Variants in RACGAP1 observed in about 807,000 individuals in gnomAD.
The protein encoded by RACGAP1 is Rac GTPase activating protein 1.
In RACGAP1, 30 loss-of-function variants were observed where a neutral mutation model predicts 78.1. The observed-to-expected ratio is 0.38, with a 90% CI of 0.29 to 0.52. The LOEUF (loss-of-function observed/expected upper bound fraction) is 0.52, where lower values mean the gene tolerates loss of function less well. Ranked by LOEUF, RACGAP1 falls within the 20% of genes least tolerant of loss-of-function variation. The pLI, the probability that RACGAP1 is intolerant of heterozygous loss-of-function variation, is 0.82. For missense variants in RACGAP1, 587 were observed against 777.1 expected, an observed-to-expected ratio of 0.76 and a Z score of 2.91; for synonymous variants, 231 against 264.8, an observed-to-expected ratio of 0.87 and a Z score of 1.24.
chr12:50,027,742 C>T (rs139077276), upstream of RACGAP1, among the ~76,000 whole-genome samples: 5,892 of 152,254 alleles, frequency 0.039, 189 homozygotes, highest in Non-Finnish European at 0.057. Flanking sequence ...AAGAGAATCG[C>T]TTGAACCCGG....
chr12:49,994,254 C>T lies in RACGAP1; in HGVS notation c.1216G>A (p.Val406Ile). 1 of 1,614,130 alleles carries T rather than the reference C, an allele frequency of 6.2e-7. No individual in the cohort carries two copies. The highest frequency in any genetic ancestry group is 8.5e-7 in the Non-Finnish European group (1 of 1,180,024). The change falls in exon 12 of 17, where the codon GTA (valine) becomes ATA (isoleucine). Residue 406 changes from valine (V) to isoleucine (I), a missense_variant. Physicochemically the swap from Val to Ile is conservative, Grantham distance 29. Coordinates refer to ENST00000312377, the MANE Select transcript of RACGAP1 (RefSeq NM_001319999.2). ...TCATCCACTTTGCTGAGGAGGGGTACAGTTTTCACTCTGAGGAATTTCTCT... is the reference window on the plus strand; with the variant it reads ...TCATCCACTTTGCTGAGGAGGGGTATAGTTTTCACTCTGAGGAATTTCTCT... ...LKEKFLRVKT[V>I]PLLSKVDDIH... is the part of the protein sequence containing the mutation.
chr12:50,016,139 T>C (rs1046577631), intron 2 of RACGAP1, among the ~76,000 whole-genome samples: 1 of 152,156 alleles, frequency 6.6e-6, no homozygotes, highest in Non-Finnish European at 1.5e-5. Flanking sequence ...CCCAGCACTT[T>C]GGGAGGCCGA....
chr12:50,001,798 G>A (rs1277200508), intron 6 of RACGAP1, among the ~76,000 whole-genome samples: 1 of 152,186 alleles, frequency 6.6e-6, no homozygotes, highest in African/African-American at 2.4e-5. Flanking sequence ...GGGAGCAGTG[G>A]CTCACGCCTG....
At chr12:49,994,836 G>A (rs1173076521) in intron 10 of RACGAP1, among the ~76,000 whole-genome samples, 1 of 152,060 alleles carries the variant, frequency 6.6e-6, no homozygotes, top group African/African-American at 2.4e-5. Flanking sequence ...CAATAATGAG[G>A]TTACAGGTAT....
At position 50,005,323 on chromosome 12, in the gene RACGAP1, C is replaced by T; in HGVS notation, c.358G>A (p.Glu120Lys). Reference sequence around the variant, plus strand: ...AGAAAAGCCAGAGCTGATTTTTGCTCCTCGCTTAGTTGAATGCTGCCAGAT... The same window carrying T: ...AGAAAAGCCAGAGCTGATTTTTGCTTCTCGCTTAGTTGAATGCTGCCAGAT... ...DTSGSIQLSE[E>K]QKSALAFLNR... Residue 120 changes from glutamate (E) to lysine (K), a missense_variant, in exon 4 of 17, where the codon GAG (glutamate) becomes AAG (lysine). By Grantham distance (56) the Glu-to-Lys change is moderately conservative. Coordinates refer to ENST00000312377, the MANE Select transcript of RACGAP1 (RefSeq NM_001319999.2). 2 of 1,614,194 alleles carry T rather than the reference C, an allele frequency of 1.2e-6. No homozygotes were observed. The highest frequency in any genetic ancestry group is 1.1e-5 in the South Asian group (1 of 91,088).
upstream of RACGAP1, among the ~76,000 whole-genome samples, chr12:50,029,401 A>G (rs1223919757): frequency 2.0e-5 from 3 of 150,692 alleles, no homozygotes; most frequent in Admixed American, 2.0e-4. Context: ...AAACAAACAA[A>G]CAAACAAACA....
chr12:50,008,049 GT>G (rs1375866406), intron 2 of RACGAP1, among the ~76,000 whole-genome samples: 1 of 149,740 alleles, frequency 6.7e-6, no homozygotes. Context: ...TGGTTTGTTT[GT>G]TCTTTAGGAT....
At chr12:50,004,645 T>A (rs1948867822) in intron 4 of RACGAP1, among the ~76,000 whole-genome samples, 1 of 152,246 alleles carries the variant, frequency 6.6e-6, no homozygotes, top group Non-Finnish European at 1.5e-5. Flanking sequence ...AAGTTTAATT[T>A]GATCCCAACT....
At chr12:49,995,124 G>A (rs1335535769) in intron 10 of RACGAP1, among the ~76,000 whole-genome samples, 5 of 152,082 alleles carry the variant, frequency 3.3e-5, no homozygotes, top group Non-Finnish European at 5.9e-5. Context: ...CGAGGTGGGC[G>A]GATCACCTGA....
chr12:50,024,156 G>A (rs1487541491), intron 1 of RACGAP1, among the ~76,000 whole-genome samples: 3 of 150,756 alleles, frequency 2.0e-5, no homozygotes, highest in South Asian at 2.1e-4. Flanking sequence ...GCGAGACTCC[G>A]TCTCAAAAAA....
At chr12:49,999,560 T>G (rs1948520441) in intron 8 of RACGAP1, 56 bp downstream of exon 8, 1 of 1,472,640 alleles carries the variant, frequency 6.8e-7, no homozygotes, top group Non-Finnish European at 9.5e-7. Context: ...AAACCAACTC[T>G]CCAAAATTTT....
chr12:50,030,352 A>C (rs1312685775), upstream of RACGAP1, among the ~76,000 whole-genome samples: 1 of 150,116 alleles, frequency 6.7e-6, no homozygotes, highest in Non-Finnish European at 1.5e-5. Flanking sequence ...TTGTCTCAAA[A>C]AAAAAAAAAA....
intron 1 of RACGAP1, among the ~76,000 whole-genome samples, chr12:50,032,386 T>C (rs1441828889): frequency 1.3e-5 from 2 of 152,186 alleles, no homozygotes; most frequent in South Asian, 2.1e-4. Context: ...TTAAGTTCAA[T>C]AGGACGGTGT....
At chr12:49,999,868 G>C (rs1189132869) in intron 7 of RACGAP1, 135 bp from the exon 8 acceptor site, 3 of 665,860 alleles carry the variant, frequency 4.5e-6, no homozygotes, top group African/African-American at 1.8e-5. Flanking sequence ...CTTTTTTTTT[G>C]AGACAGAGTT....
chr12:49,994,311 A>C lies in RACGAP1; in HGVS notation c.1159T>G (p.Ser387Ala). 6.2e-7 allele frequency: 1 copy of C among 1,614,188 alleles called. No homozygotes were observed. The highest frequency in any genetic ancestry group is 2.2e-5 in the East Asian group (1 of 44,884). The change falls in exon 12 of 17, where the codon TCT becomes GCT. Residue 387 changes from serine (S) to alanine (A), a missense_variant. Physicochemically the swap from Ser to Ala is moderately conservative, Grantham distance 99. Coordinates refer to ENST00000312377, the MANE Select transcript of RACGAP1 (RefSeq NM_001319999.2). ...TCTTTTACTGTGCGGTCACAGCCAG[A>C]GATCCTATACAGGCCTGTCTATTAT... Reference protein sequence around the residue: ...GLTETGLYRISGCDRTVKELK... With the variant: ...GLTETGLYRIAGCDRTVKELK...
chr12:49,997,323 G>A, intron 9 of RACGAP1, 119 bp from the exon 10 acceptor site: 1 of 1,318,388 alleles, frequency 7.6e-7, no homozygotes, highest in South Asian at 1.9e-5. Flanking sequence ...CGCCTGGGCT[G>A]GAGTGCAGTG....
chr12:50,015,386 T>C (rs965714322), intron 2 of RACGAP1, among the ~76,000 whole-genome samples: 1 of 152,134 alleles, frequency 6.6e-6, no homozygotes, highest in Non-Finnish European at 1.5e-5. Flanking sequence ...AAAGAAATTA[T>C]GGACTGGGCC....
At chr12:50,006,308 G>A in intron 3 of RACGAP1, 126 bp downstream of exon 3, 4 of 1,006,828 alleles carry the variant, frequency 4.0e-6, no homozygotes, top group Non-Finnish European at 6.1e-6. Flanking sequence ...AGCTGTTAAA[G>A]AACAGGTCAC....
rs545117501 is a variant in RACGAP1, at chr12:50,018,440, A to T, written c.-4-1721T>A. ...CTAAGAACAAAACTAAAAGGATAGC[A>T]TTAAAACCGGCAGGAAGAGCTGTGG... On this transcript the variant is annotated intron_variant, in intron 1 of 16. Transcript: ENST00000312377. 2.1e-5 allele frequency: 19 copies of T among 923,808 alleles called. No homozygotes were observed. The African/African-American group carries it at 3.3e-4, about 16-fold the overall frequency. 57.2% of individuals were successfully genotyped at this position (923,808 alleles called of 1,614,324 possible). A position where few individuals can be genotyped will look rare whatever the true frequency, so the allele number is the denominator to read the frequency against.
Sources: gnomAD v4.1 joint callset for allele counts (sites outside exome capture counted in the v4.1 genomes callset) on GRCh38, gnomAD v4.1.1 for gene constraint, MANE v1.5 for transcripts, NCBI Gene and HGNC (gene_info 2026-07-23, HGNC 2026-07-21) for gene names.